Variants in AGBL4 observed in about 807,000 individuals in gnomAD.
AGBL4 encodes the protein AGBL carboxypeptidase 4.
Under a neutral mutation model 66.4 loss-of-function variants are expected in AGBL4, and 58 were observed. The observed-to-expected ratio is 0.87, with a 90% CI of 0.71 to 1.09. AGBL4 has a LOEUF of 1.09. AGBL4 is among the 50% of genes least tolerant of loss of function. AGBL4 has a pLI of 0.00. For missense variants in AGBL4, 579 were observed against 631.0 expected (o/e 0.92, Z 0.88); for synonymous variants, 234 against 222.9 (o/e 1.05, Z -0.44).
At chr1:49,197,696 T>C (rs963513684) in intron 4 of AGBL4, among the ~76,000 whole-genome samples, 1 of 152,192 alleles carries the variant, frequency 6.6e-6, no homozygotes, top group African/African-American at 2.4e-5. Flanking sequence ...AAGTCACACA[T>C]TGTTTACTTT....
chr1:49,935,726 G>T (rs1280035224), intron 1 of AGBL4, among the ~76,000 whole-genome samples: 1 of 152,188 alleles, frequency 6.6e-6, no homozygotes, highest in Non-Finnish European at 1.5e-5. Context: ...CAGGCAAACA[G>T]GGTCTGGAGT....
intron 1 of AGBL4, among the ~76,000 whole-genome samples, chr1:49,999,409 C>A (rs1232538172): frequency 2.0e-5 from 3 of 150,216 alleles, no homozygotes; most frequent in African/African-American, 7.3e-5. Context: ...GGGAAAACTA[C>A]AAAACACTGC....
intron 4 of AGBL4, among the ~76,000 whole-genome samples, chr1:49,106,053 T>C (rs909237709): frequency 6.6e-6 from 1 of 152,214 alleles, no homozygotes; most frequent in Non-Finnish European, 1.5e-5. Flanking sequence ...TTTACAGCCT[T>C]ATCTAGGAGT....
chr1:49,031,352 T>A (rs1490517559), intron 5 of AGBL4, among the ~76,000 whole-genome samples: 1 of 152,014 alleles, frequency 6.6e-6, no homozygotes, highest in Non-Finnish European at 1.5e-5. Context: ...AAAGAAATGA[T>A]AACTATGTGA....
intron 6 of AGBL4, among the ~76,000 whole-genome samples, chr1:48,694,540 T>G (rs1646685554): frequency 6.6e-6 from 1 of 152,220 alleles, no homozygotes; most frequent in Non-Finnish European, 1.5e-5. Context: ...CACCACAAAG[T>G]CAGCCCATGG....
At chr1:49,740,828 A>G (rs990591294) in intron 2 of AGBL4, among the ~76,000 whole-genome samples, 1 of 152,238 alleles carries the variant, frequency 6.6e-6, no homozygotes, top group African/African-American at 2.4e-5. Flanking sequence ...TGAAGGCAGA[A>G]ATAAAGATGT....
At position 49,245,776 on chromosome 1, in the gene AGBL4, G is replaced by C. The variant is rs1651591966; in HGVS notation, c.371C>G (p.Pro124Arg). The C allele has an allele frequency of 6.5e-7, 1 of 1,547,954 alleles. No individual in the cohort carries two copies. The highest frequency in any genetic ancestry group is 1.4e-5 in the African/African-American group (1 of 72,958). Residue 124 changes from proline (P) to arginine (R), a missense_variant, in exon 4 of 14, where the codon CCA becomes CGA. By Grantham distance (103) the Pro-to-Arg change is moderately radical. Coordinates refer to ENST00000371839, the MANE Select transcript of AGBL4 (RefSeq NM_032785.4). ...CATTCTGTAGATCACTTACCATTTTGGTCTGCTGGTAGATTTCACCATAGG... is the reference window on the plus strand; with the variant it reads ...CATTCTGTAGATCACTTACCATTTTCGTCTGCTGGTAGATTTCACCATAGG... Reference protein sequence around the residue: ...MAPMVKSTSRPKWQRLPPKNV... With the variant: ...MAPMVKSTSRRKWQRLPPKNV...
At chr1:49,600,050 T>C (rs190424336) in intron 3 of AGBL4, among the ~76,000 whole-genome samples, 1 of 152,334 alleles carries the variant, frequency 6.6e-6, no homozygotes, top group South Asian at 2.1e-4. Context: ...AGTTTTAGAA[T>C]AAATGCTATG....
intron 1 of AGBL4, among the ~76,000 whole-genome samples, chr1:50,022,809 C>G (rs538722860): frequency 6.6e-6 from 1 of 152,240 alleles, no homozygotes; most frequent in African/African-American, 2.4e-5. Context: ...CATGCCATCC[C>G]GTAACATCCA....
intron 3 of AGBL4, among the ~76,000 whole-genome samples, chr1:49,371,446 A>G (rs186441675): frequency 6.6e-6 from 1 of 152,264 alleles, no homozygotes; most frequent in African/African-American, 2.4e-5. Context: ...TACTCAAGAA[A>G]TATTTTATAA....
intron 5 of AGBL4, among the ~76,000 whole-genome samples, chr1:48,952,860 G>C (rs1657117457): frequency 6.6e-6 from 1 of 150,544 alleles, no homozygotes; most frequent in Non-Finnish European, 1.5e-5. Context: ...AGATTTTTTT[G>C]TGATTTTTTT....
chr1:49,817,075 T>C (rs759936360), intron 2 of AGBL4, among the ~76,000 whole-genome samples: 3 of 152,288 alleles, frequency 2.0e-5, no homozygotes, highest in South Asian at 2.1e-4. Context: ...ATATACACAA[T>C]GACCACCTTC....
At chr1:49,702,216 G>C (rs1299886007) in intron 2 of AGBL4, among the ~76,000 whole-genome samples, 1 of 152,030 alleles carries the variant, frequency 6.6e-6, no homozygotes, top group African/African-American at 2.4e-5. Context: ...TTCTTGACTG[G>C]GTGTGGTGGC....
At chr1:49,957,301 A>G (rs1656692526) in intron 1 of AGBL4, among the ~76,000 whole-genome samples, 3 of 152,068 alleles carry the variant, frequency 2.0e-5, no homozygotes, top group Non-Finnish European at 4.4e-5. Flanking sequence ...TTTTGGAATA[A>G]GTGCGATGTG....
intron 2 of AGBL4, among the ~76,000 whole-genome samples, chr1:49,774,264 T>C (rs1038587880): frequency 8.5e-5 from 13 of 152,174 alleles, no homozygotes; most frequent in Admixed American, 6.5e-4. Context: ...GTCTCCAGCT[T>C]ACCTTTTCCC....
intron 5 of AGBL4, among the ~76,000 whole-genome samples, chr1:48,951,058 G>A (rs994080208): frequency 6.6e-6 from 1 of 152,114 alleles, no homozygotes; most frequent in Non-Finnish European, 1.5e-5. Context: ...TCATTTTAGA[G>A]ATTTAAAAAA....
At chr1:48,836,608 C>T (rs1226447296) in intron 6 of AGBL4, among the ~76,000 whole-genome samples, 2 of 151,804 alleles carry the variant, frequency 1.3e-5, no homozygotes, top group South Asian at 2.1e-4. Flanking sequence ...TCAAAAAAAC[C>T]CCACAAGAAA....
intron 4 of AGBL4, among the ~76,000 whole-genome samples, chr1:49,111,145 G>A (rs1206895208): frequency 7.3e-6 from 1 of 136,290 alleles, no homozygotes; most frequent in African/African-American, 2.8e-5. Flanking sequence ...ATGGACTCTC[G>A]CTCTGTCACC....
At chr1:49,078,518 C>G (rs1018746235) in intron 4 of AGBL4, among the ~76,000 whole-genome samples, 1 of 152,076 alleles carries the variant, frequency 6.6e-6, no homozygotes, top group Non-Finnish European at 1.5e-5. Flanking sequence ...CTGTCATATC[C>G]TACCTTAAAT....
Sources: allele counts gnomAD v4.1 joint callset (sites outside exome capture counted in the v4.1 genomes callset), GRCh38; gene constraint gnomAD v4.1.1; transcripts MANE v1.5; gene names NCBI Gene and HGNC (gene_info 2026-07-23, HGNC 2026-07-21).